Variants in SOX5 observed in about 807,000 individuals in gnomAD.
SOX5 encodes the protein transcription factor SOX-5.
A neutral mutation model predicts 92.0 loss-of-function variants in SOX5; 9 were observed. That is an observed-to-expected ratio of 0.10 (90% CI 0.06 to 0.17). The LOEUF is 0.17. SOX5 is among the 10% of genes least tolerant of loss of function. The pLI is 1.00. For synonymous variants in SOX5, 344 were observed against 336.3 expected, an observed-to-expected ratio of 1.02 and a Z score of -0.25; for missense variants, 642 against 944.5, an observed-to-expected ratio of 0.68 and a Z score of 4.20.
intron 4 of SOX5, among the ~76,000 whole-genome samples, chr12:24,050,332 G>T (rs1246275461): frequency 2.6e-5 from 4 of 152,052 alleles, no homozygotes; most frequent in Non-Finnish European, 5.9e-5. Context: ...CTGTTGACTA[G>T]ACATACATTA....
At chr12:23,610,251 T>C (rs2075784444) in intron 8 of SOX5, among the ~76,000 whole-genome samples, 1 of 152,152 alleles carries the variant, frequency 6.6e-6, no homozygotes, top group East Asian at 1.9e-4. Context: ...CATTAATACC[T>C]AGAGGTGGTA....
intron 4 of SOX5, among the ~76,000 whole-genome samples, chr12:24,124,689 A>G (rs1331515083): frequency 1.3e-5 from 2 of 152,204 alleles, no homozygotes; most frequent in Admixed American, 6.5e-5. Context: ...CCAGTAAGCT[A>G]CATTCACCAC....
Position 24,545,319 on chromosome 12 carries a change from C to CA in SOX5, c.-251+17009dup, listed in dbSNP as rs140509877. 5.0e-3 allele frequency among the ~76,000 whole-genome samples: 764 copies of CA among 152,262 alleles called. 3 individuals are homozygous for CA. The highest frequency in any genetic ancestry group is 0.017 in the African/African-American group (720 of 41,540). On this transcript the variant is annotated intron_variant, in intron 1 of 4. Transcript: ENST00000446891. Reference sequence around the variant, plus strand: ...GTTAATCCAATTACTAATAAACTGACATGGGGGCCCTCATTTTCACAACAG... The same window carrying CA: ...GTTAATCCAATTACTAATAAACTGACAATGGGGGCCCTCATTTTCACAACAG...
chr12:23,546,260 C>A, intron 12 of SOX5, 56 bp downstream of exon 12: 1 of 984,842 alleles, frequency 1.0e-6, no homozygotes, highest in Non-Finnish European at 1.6e-6. Flanking sequence ...TTTTAATTGG[C>A]ACTACCTAGA....
chr12:24,365,733 G>A (rs1369647548), intron 2 of SOX5, among the ~76,000 whole-genome samples: 1 of 148,876 alleles, frequency 6.7e-6, no homozygotes, highest in Non-Finnish European at 1.5e-5. Flanking sequence ...ATAGACACAG[G>A]CTTCTATAGC....
chr12:24,550,966 A>G (rs1437965430), intron 1 of SOX5, among the ~76,000 whole-genome samples: 12 of 152,088 alleles, frequency 7.9e-5, no homozygotes, highest in Admixed American at 5.9e-4. Context: ...CCCTGAATAT[A>G]TTTTTCAGAT....
intron 3 of SOX5, among the ~76,000 whole-genome samples, chr12:24,266,183 G>C (rs766484220): frequency 6.6e-6 from 1 of 151,916 alleles, no homozygotes; most frequent in Non-Finnish European, 1.5e-5. Flanking sequence ...CAACGTGCTA[G>C]AATTACTAAA....
intron 6 of SOX5, among the ~76,000 whole-genome samples, chr12:23,667,233 T>C (rs927262814): frequency 4.6e-5 from 7 of 152,188 alleles, no homozygotes; most frequent in African/African-American, 1.7e-4. Context: ...TTTTATTGGC[T>C]ATATTGTTAA....
chr12:23,667,129 G>A (rs889641180), intron 6 of SOX5, among the ~76,000 whole-genome samples: 3 of 151,980 alleles, frequency 2.0e-5, no homozygotes, highest in South Asian at 4.2e-4. Context: ...GTGGTGGTGG[G>A]GGCGGCAGAG....
chr12:23,630,414 A>G (rs2078382538), intron 8 of SOX5, among the ~76,000 whole-genome samples: 1 of 151,976 alleles, frequency 6.6e-6, no homozygotes, highest in South Asian at 2.1e-4. Context: ...TATACCACAG[A>G]GATGAATGAA....
chr12:23,733,882 A>T (rs2093484379), intron 6 of SOX5, among the ~76,000 whole-genome samples: 1 of 152,172 alleles, frequency 6.6e-6, no homozygotes, highest in Non-Finnish European at 1.5e-5. Flanking sequence ...AGCTCCATGA[A>T]TTAGGTTCCT....
At chr12:23,977,276 T>C (rs888848214) in intron 4 of SOX5, among the ~76,000 whole-genome samples, 1 of 152,186 alleles carries the variant, frequency 6.6e-6, no homozygotes, top group African/African-American at 2.4e-5. Flanking sequence ...GAGCATGCTA[T>C]AAAATGATGC....
chr12:24,265,247 T>C (rs1301563708), intron 3 of SOX5, among the ~76,000 whole-genome samples: 1 of 152,212 alleles, frequency 6.6e-6, no homozygotes, highest in Non-Finnish European at 1.5e-5. Context: ...CAGAAAATGC[T>C]GTCATTAGAA....
At chr12:23,928,244 G>A (rs1212461898) in intron 1 of SOX5, among the ~76,000 whole-genome samples, 4 of 152,174 alleles carry the variant, frequency 2.6e-5, no homozygotes, top group Admixed American at 2.0e-4. Flanking sequence ...AAACAGCCAC[G>A]AAAACCAGGA....
intron 4 of SOX5, among the ~76,000 whole-genome samples, chr12:24,047,990 G>A (rs35940531): frequency 6.6e-6 from 1 of 152,028 alleles, no homozygotes; most frequent in Non-Finnish European, 1.5e-5. Flanking sequence ...AGCCAAGAAG[G>A]TTCTCAGGTG....
intron 1 of SOX5, among the ~76,000 whole-genome samples, chr12:23,947,486 A>C (rs573225094): frequency 6.6e-6 from 1 of 151,936 alleles, no homozygotes; most frequent in Non-Finnish European, 1.5e-5. Flanking sequence ...CACCCGTACA[A>C]ATTCAATGTA....
chr12:24,454,927 CTCTCT>C (rs1250641906), intron 1 of SOX5, among the ~76,000 whole-genome samples: 1 of 152,148 alleles, frequency 6.6e-6, no homozygotes, highest in Non-Finnish European at 1.5e-5. Context: ...CACTTTCACT[CTCTCT>C]TCTTAGAAAA....
At chr12:24,017,978 G>T (rs578213219) in intron 4 of SOX5, among the ~76,000 whole-genome samples, 1 of 152,124 alleles carries the variant, frequency 6.6e-6, no homozygotes, top group African/African-American at 2.4e-5. Context: ...CTCTGCTCCC[G>T]TTAACTCAGG....
chr12:24,363,999 G>A (rs778058239), intron 2 of SOX5, among the ~76,000 whole-genome samples: 16 of 152,226 alleles, frequency 1.1e-4, no homozygotes, highest in South Asian at 4.2e-4. Context: ...ACATGTTTTC[G>A]TCGGCAGGCA....
Sources: gnomAD v4.1 joint callset for allele counts (sites outside exome capture counted in the v4.1 genomes callset) on GRCh38, gnomAD v4.1.1 for gene constraint, MANE v1.5 for transcripts, NCBI Gene and HGNC (gene_info 2026-07-23, HGNC 2026-07-21) for gene names.